Variants in DCHS2 observed in about 807,000 individuals in gnomAD.
The protein encoded by DCHS2 is dachsous cadherin-related 2.
DCHS2 carries 142 observed loss-of-function variants against 182.4 expected under a neutral mutation model. The ratio of observed to expected loss-of-function variants is 0.78; its 90% CI spans 0.68 to 0.89. DCHS2 has a LOEUF of 0.89. Among genes scored for constraint, DCHS2 ranks in the 40% least tolerant of loss-of-function variants. DCHS2 has a pLI of 0.00. For synonymous variants in DCHS2, 1,740 were observed against 1,663.3 expected, an observed-to-expected ratio of 1.05 and a Z score of -1.12; for missense variants, 4,319 against 4,198.6, an observed-to-expected ratio of 1.03 and a Z score of -0.79.
At position 154,233,764 on chromosome 4, in the gene DCHS2, C is replaced by T. The variant is rs1294138539; in HGVS notation, c.*772G>A. The T allele has an allele frequency of 6.6e-6, 1 of 152,134 alleles. No homozygotes were observed. The highest frequency in any genetic ancestry group is 1.5e-5 in the Non-Finnish European group (1 of 68,020). 9.4% of individuals were successfully genotyped at this position (152,134 alleles called of 1,614,324 possible). A position where few individuals can be genotyped will look rare whatever the true frequency, so the allele number is the denominator to read the frequency against. ...TAAAGAAGGCCAAGATAATATGTTT[C>T]AGGTGGTAGCAAACCACATAAATAT... On this transcript the variant is annotated 3_prime_UTR_variant, in exon 20 of 20. Transcript: ENST00000357232.
chr4:154,433,751 A>T (rs1169012162), intron 1 of DCHS2, among the ~76,000 whole-genome samples: 1 of 152,154 alleles, frequency 6.6e-6, no homozygotes, highest in East Asian at 1.9e-4. Context: ...GCCCTAGGCA[A>T]CTAACGCACT....
chr4:154,238,184 G>A (rs1213363406), intron 19 of DCHS2, among the ~76,000 whole-genome samples: 2 of 151,868 alleles, frequency 1.3e-5, no homozygotes, highest in Non-Finnish European at 2.9e-5. Context: ...GGGATACAGA[G>A]AGAAGAATAG....
Position 154,373,188 on chromosome 4 carries a change from C to T in DCHS2, c.2244+4065G>A, listed in dbSNP as rs143221272. ...TAATTTATTCTTTGAATGCAGTCTA[C>T]GTTGCTTTCAGGGGAAGACTACTGA... On this transcript the variant is annotated intron_variant, in intron 2 of 19. Coordinates refer to ENST00000357232, the MANE Select transcript of DCHS2 (RefSeq NM_001358235.2). 2.0e-3 allele frequency among the ~76,000 whole-genome samples: 305 copies of T among 152,276 alleles called. 4 individuals are homozygous for T. Among genetic ancestry groups the T allele is most frequent in the African/African-American group, 6.8e-3 (283 of 41,568 alleles).
intron 7 of DCHS2, among the ~76,000 whole-genome samples, chr4:154,324,912 T>C (rs1736216603): frequency 6.6e-6 from 1 of 152,204 alleles, no homozygotes; most frequent in Admixed American, 6.5e-5. Context: ...AATTTTCATC[T>C]CATTATTTTA....
chr4:154,250,531 T>C (rs905598497), intron 16 of DCHS2, among the ~76,000 whole-genome samples: 1 of 152,144 alleles, frequency 6.6e-6, no homozygotes, highest in Non-Finnish European at 1.5e-5. Context: ...CACCTCAAAA[T>C]ACCCAGAATA....
At chr4:154,242,417 G>A (rs1449227473) in intron 17 of DCHS2, among the ~76,000 whole-genome samples, 2 of 152,162 alleles carry the variant, frequency 1.3e-5, no homozygotes, top group African/African-American at 4.8e-5. Flanking sequence ...TATAAGGGAT[G>A]ATGGTTGGAG....
intron 1 of DCHS2, among the ~76,000 whole-genome samples, chr4:154,417,204 T>TGGGAGAGA (rs1560745908): frequency 2.5e-5 from 1 of 39,476 alleles, no homozygotes; most frequent in Non-Finnish European, 4.8e-5. Context: ...TGTGTGTGTG[T>TGGGAGAGA]GAGAGAGAGA....
At chr4:154,442,112 G>A (rs1384310035) in intron 1 of DCHS2, among the ~76,000 whole-genome samples, 2 of 152,032 alleles carry the variant, frequency 1.3e-5, no homozygotes, top group Admixed American at 1.3e-4. Context: ...TGTTACCGCT[G>A]GTGACAAAAT....
intron 1 of DCHS2, among the ~76,000 whole-genome samples, chr4:154,400,965 G>A (rs1560736143): frequency 6.6e-6 from 1 of 152,146 alleles, no homozygotes; most frequent in Non-Finnish European, 1.5e-5. Flanking sequence ...TGACCCTAAG[G>A]TATAGTTAGA....
chr4:154,416,458 G>A (rs1732836724), intron 1 of DCHS2, among the ~76,000 whole-genome samples: 2 of 152,092 alleles, frequency 1.3e-5, no homozygotes, highest in South Asian at 2.1e-4. Flanking sequence ...CCCACCCGAC[G>A]AGGAATACGT....
rs1456946468 is a variant in DCHS2 at position 154,298,171 on chromosome 4, G to A, written c.6143C>T (p.Ser2048Phe). The A allele has an allele frequency of 3.1e-6, 5 of 1,614,070 alleles. No individual in the cohort carries two copies. The highest frequency in any genetic ancestry group is 1.3e-5 in the African/African-American group (1 of 75,022). The change falls in exon 13 of 20, where the codon TCC (serine) becomes TTC (phenylalanine). Residue 2048 changes from serine to phenylalanine, a missense_variant. Coordinates refer to ENST00000357232, the MANE Select transcript of DCHS2 (RefSeq NM_001358235.2). ...LEQNPFDVFL[S>F]PESPTNQTTV... ...TGTCTGGTTTGTAGGCGACTCGGGGGAAAGAAACACATCAAAAGGGTTCTG... is the reference window on the plus strand; with the variant it reads ...TGTCTGGTTTGTAGGCGACTCGGGGAAAAGAAACACATCAAAAGGGTTCTG...
At position 154,232,872 on chromosome 4, in the gene DCHS2, C is replaced by G. The variant is rs1731257547; in HGVS notation, c.*1664G>C. ...CTAGGATTTCAGGCTTATTCAAAAA[C>G]CTTCATGTTTCATACAATTTGTAAT... On this transcript the variant is annotated 3_prime_UTR_variant, in exon 20 of 20. Coordinates refer to ENST00000357232, the MANE Select transcript of DCHS2 (RefSeq NM_001358235.2). The G allele has an allele frequency of 6.6e-6, 1 of 151,950 alleles. No homozygotes were observed. The highest frequency in any genetic ancestry group is 2.4e-5 in the African/African-American group (1 of 41,368). The allele number at this position is 151,950 out of a possible 1,614,324, so 9.4% of individuals were successfully genotyped here. A position where few individuals can be genotyped will look rare whatever the true frequency, so the allele number is the denominator to read the frequency against.
At chr4:154,322,781 G>A in intron 7 of DCHS2, 1 of 292,178 alleles carries the variant, frequency 3.4e-6, no homozygotes, top group South Asian at 6.7e-5. Context: ...TATTCCCCAT[G>A]TATATACTTC....
intron 14 of DCHS2, among the ~76,000 whole-genome samples, chr4:154,266,379 T>C (rs1192774488): frequency 6.6e-6 from 1 of 152,106 alleles, no homozygotes; most frequent in African/African-American, 2.4e-5. Context: ...TTGGAAATCA[T>C]TGTAATAAAA....
Position 154,236,856 on chromosome 4 carries a change from T to C in DCHS2, c.7796A>G (p.His2599Arg), listed in dbSNP as rs375676340. 3.1e-6 allele frequency: 5 copies of C among 1,613,950 alleles called. No homozygotes were observed. In the African/African-American group the frequency reaches 5.3e-5, roughly 17 times the overall value. Reference protein sequence around the residue: ...IISGNSQNNFHVETKFFHSEY... With the variant: ...IISGNSQNNFRVETKFFHSEY... The stretch of plus-strand genomic sequence containing the variant: ...TGAATGAAAGAACTTAGTTTCCACA[T>C]GAAAATTGTTCTGTGAATTACCACT... Residue 2599 changes from histidine (H) to arginine (R), a missense_variant, in exon 20 of 20, where the codon CAT becomes CGT. His to Arg is a conservative substitution (Grantham distance 29). Transcript: ENST00000357232.
chr4:154,387,972 A>G (rs1040297832), intron 1 of DCHS2, among the ~76,000 whole-genome samples: 1 of 152,112 alleles, frequency 6.6e-6, no homozygotes, highest in Non-Finnish European at 1.5e-5. Context: ...GGCAATCATT[A>G]AAATAATATA....
intron 16 of DCHS2, among the ~76,000 whole-genome samples, chr4:154,251,403 A>G (rs1040630196): frequency 5.0e-4 from 17 of 34,078 alleles, no homozygotes; most frequent in Non-Finnish European, 2.0e-3. Flanking sequence ...TTATTTTATA[A>G]ATCATGTCTA....
chr4:154,335,089 G>A lies in DCHS2; in HGVS notation c.2492C>T (p.Thr831Ile), dbSNP rs1415332368. The A allele has an allele frequency of 1.9e-6, 3 of 1,605,726 alleles. No individual in the cohort carries two copies. The highest frequency in any genetic ancestry group is 2.7e-5 in the African/African-American group (2 of 74,714). ...IDSTTGIIYL[T>I]LPLSHLESTT... ...AGATTCCAAATGACTAAGAGGTAAT[G>A]TTAAGTAAATAATTCCTGGGTAGGG... is the stretch of plus-strand genomic sequence containing the variant. The change falls in exon 4 of 20, where the codon ACA becomes ATA. Residue 831 changes from threonine to isoleucine, a missense_variant. Physicochemically the swap from Thr to Ile is moderately conservative, Grantham distance 89. Coordinates refer to ENST00000357232, the MANE Select transcript of DCHS2 (RefSeq NM_001358235.2).
intron 3 of DCHS2, among the ~76,000 whole-genome samples, chr4:154,336,973 C>G (rs957495323): frequency 2.6e-5 from 4 of 152,148 alleles, no homozygotes; most frequent in Admixed American, 6.5e-5. Flanking sequence ...GATAAACACT[C>G]TTTATTAGAA....
Sources: gnomAD v4.1 joint callset for allele counts (sites outside exome capture counted in the v4.1 genomes callset) on GRCh38, gnomAD v4.1.1 for gene constraint, MANE v1.5 for transcripts, NCBI Gene and HGNC (gene_info 2026-07-23, HGNC 2026-07-21) for gene names.